Variants in SNX29 observed in about 807,000 individuals in gnomAD.
The protein encoded by SNX29 is sorting nexin-29.
Under a neutral mutation model 102.1 loss-of-function variants are expected in SNX29, and 78 were observed. The ratio of observed to expected loss-of-function variants is 0.76; its 90% CI spans 0.64 to 0.92. The LOEUF (loss-of-function observed/expected upper bound fraction) is 0.92. Ranked by LOEUF, SNX29 falls within the 40% of genes least tolerant of loss-of-function variation. SNX29 has a pLI of 0.00. For missense variants in SNX29, 1,280 were observed against 1,061.7 expected (o/e 1.21, Z -2.86); for synonymous variants, 580 against 414.5 (o/e 1.40, Z -4.85).
chr16:12,137,015 C>T (rs983449431), intron 13 of SNX29, among the ~76,000 whole-genome samples: 2 of 152,216 alleles, frequency 1.3e-5, no homozygotes, highest in African/African-American at 4.8e-5. Flanking sequence ...GCTGGTATTA[C>T]AGGCGTGAGC....
At chr16:12,018,746 CTT>C (rs79506419) in intron 3 of SNX29, among the ~76,000 whole-genome samples, 2 of 135,544 alleles carry the variant, frequency 1.5e-5, no homozygotes, top group Admixed American at 7.4e-5. Flanking sequence ...TTTTTTTTGT[CTT>C]TTTTTTTTTT....
chr16:12,186,463 T>G (rs2141869999), intron 13 of SNX29, among the ~76,000 whole-genome samples: 1 of 152,310 alleles, frequency 6.6e-6, no homozygotes, highest in Admixed American at 6.5e-5. Context: ...GCAGATAATT[T>G]TCTAAGAACA....
chr16:11,977,097 C>G, intron 1 of SNX29: 1 of 366,476 alleles, frequency 2.7e-6, no homozygotes, highest in Non-Finnish European at 4.8e-6. Context: ...GTCCTGCGAT[C>G]CCCTTGCCTA....
At chr16:12,020,584 C>A (rs1349566005) in intron 3 of SNX29, among the ~76,000 whole-genome samples, 1 of 151,358 alleles carries the variant, frequency 6.6e-6, no homozygotes, top group Non-Finnish European at 1.5e-5. Flanking sequence ...AGCATGTGAA[C>A]CTTTTTGAAA....
At chr16:12,560,098 G>C (rs926340551) in intron 20 of SNX29, among the ~76,000 whole-genome samples, 17 of 151,874 alleles carry the variant, frequency 1.1e-4, no homozygotes, top group Admixed American at 4.6e-4. Context: ...TATCCACAAA[G>C]GATGAGTTGA....
rs1258002894 is a variant in SNX29 at position 12,571,536 on chromosome 16, T to C, written c.*2907T>C. On this transcript the variant is annotated 3_prime_UTR_variant, in exon 21 of 21. Transcript: ENST00000566228. Reference sequence around the variant, plus strand: ...GGCCTTGGATTCCTGGGACCACCCTTTGCTGGGAGGAAGAATCCACACCGA... The same window carrying C: ...GGCCTTGGATTCCTGGGACCACCCTCTGCTGGGAGGAAGAATCCACACCGA... 2 of 898,576 alleles carry C rather than the reference T, an allele frequency of 2.2e-6. No homozygotes were observed. The highest frequency in any genetic ancestry group is 1.0e-4 in the East Asian group (2 of 19,118). The allele number at this position is 898,576 out of a possible 1,614,324, so 55.7% of individuals were successfully genotyped here. A position where few individuals can be genotyped will look rare whatever the true frequency, so the allele number is the denominator to read the frequency against.
chr16:12,101,414 C>T (rs148456876), intron 11 of SNX29, among the ~76,000 whole-genome samples: 2,408 of 148,762 alleles, frequency 0.016, 27 homozygotes, highest in Middle Eastern at 0.042. Flanking sequence ...GACAGAGACT[C>T]GCTCTGTTGC....
At chr16:12,440,912 G>T (rs1320020853) in intron 18 of SNX29, among the ~76,000 whole-genome samples, 1 of 152,152 alleles carries the variant, frequency 6.6e-6, no homozygotes, top group African/African-American at 2.4e-5. Flanking sequence ...TGCTAAGCAT[G>T]TGTCTTTATA....
At chr16:11,991,470 G>T (rs1398713530) in intron 1 of SNX29, among the ~76,000 whole-genome samples, 1 of 151,758 alleles carries the variant, frequency 6.6e-6, no homozygotes, top group Non-Finnish European at 1.5e-5. Context: ...AGCAAGGCAT[G>T]GTTTCTATTA....
chr16:12,409,332 T>C (rs931736439), intron 18 of SNX29, among the ~76,000 whole-genome samples: 4 of 152,246 alleles, frequency 2.6e-5, no homozygotes, highest in Non-Finnish European at 5.9e-5. Context: ...GTTAAATTTG[T>C]TGTTAATTAA....
At chr16:12,543,470 C>G (rs755805240) in intron 20 of SNX29, among the ~76,000 whole-genome samples, 2 of 152,212 alleles carry the variant, frequency 1.3e-5, no homozygotes, top group East Asian at 3.8e-4. Context: ...TGGTGAACAG[C>G]TGTCAGTAAA....
chr16:12,378,356 GAAAT>G (rs1567499938), intron 16 of SNX29, among the ~76,000 whole-genome samples: 1 of 152,274 alleles, frequency 6.6e-6, no homozygotes. Context: ...AGCTCTTGGA[GAAAT>G]AAATAGAGGC....
intron 14 of SNX29, among the ~76,000 whole-genome samples, chr16:12,256,158 C>T (rs1230070000): frequency 2.0e-5 from 3 of 152,264 alleles, no homozygotes; most frequent in East Asian, 3.9e-4. Flanking sequence ...ACCTGTTGGC[C>T]GTTTGGATGT....
At chr16:12,103,577 A>G (rs544002449) in intron 11 of SNX29, among the ~76,000 whole-genome samples, 62 of 152,376 alleles carry the variant, frequency 4.1e-4, no homozygotes, top group Non-Finnish European at 6.8e-4. Flanking sequence ...AAGATCTAAA[A>G]CCATAACAAT....
intron 13 of SNX29, among the ~76,000 whole-genome samples, chr16:12,189,912 A>G (rs2076600879): frequency 1.3e-5 from 2 of 152,126 alleles, no homozygotes. Flanking sequence ...GTAAGTTCAC[A>G]TTGATGTCTT....
intron 8 of SNX29, among the ~76,000 whole-genome samples, chr16:12,058,462 G>C (rs1014762196): frequency 6.6e-6 from 1 of 150,488 alleles, no homozygotes; most frequent in African/African-American, 2.4e-5. Context: ...AGTAGCCCTT[G>C]GGGCCCACTG....
In SNX29 at chr16:12,572,599, C is replaced by T. The variant is rs2079211069; in HGVS notation, c.*3970C>T. 5.6e-6 allele frequency: 6 copies of T among 1,064,430 alleles called. No individual in the cohort carries two copies. Among genetic ancestry groups the T allele is most frequent in the Non-Finnish European group, 5.7e-6 (5 of 878,698 alleles). The allele number at this position is 1,064,430 out of a possible 1,614,324, so 65.9% of individuals were successfully genotyped here. On this transcript the variant is annotated 3_prime_UTR_variant, in exon 21 of 21. Coordinates refer to ENST00000566228, the MANE Select transcript of SNX29 (RefSeq NM_032167.5). Reference sequence around the variant, plus strand: ...CATGTTCTCTGGGCTCCCAGTGAGCCCCCTCCCCTCCGGCTACCCCCAGAA... The same window carrying T: ...CATGTTCTCTGGGCTCCCAGTGAGCTCCCTCCCCTCCGGCTACCCCCAGAA...
chr16:12,346,676 G>C (rs2081819281), intron 15 of SNX29, among the ~76,000 whole-genome samples: 1 of 152,212 alleles, frequency 6.6e-6, no homozygotes. Flanking sequence ...TCAGCAGAGG[G>C]CTGGGGCTCC....
intron 20 of SNX29, among the ~76,000 whole-genome samples, chr16:12,548,063 C>G (rs561245319): frequency 1.3e-5 from 2 of 152,136 alleles, no homozygotes; most frequent in African/African-American, 4.8e-5. Context: ...GGCACACACA[C>G]GGTCAGGCAT....
Sources: gnomAD v4.1 joint callset for allele counts (sites outside exome capture counted in the v4.1 genomes callset) on GRCh38, gnomAD v4.1.1 for gene constraint, MANE v1.5 for transcripts, NCBI Gene and HGNC (gene_info 2026-07-23, HGNC 2026-07-21) for gene names.